SUPV3L1: variants seen among roughly 807,000 people sequenced by gnomAD.
The protein encoded by SUPV3L1 is ATP-dependent RNA helicase SUPV3L1, mitochondrial.
Under a neutral mutation model 70.0 loss-of-function variants are expected in SUPV3L1, and 35 were observed. The observed-to-expected ratio is 0.50, with a 90% CI of 0.38 to 0.66. SUPV3L1 has a LOEUF of 0.66. Among genes scored for constraint, SUPV3L1 ranks in the 30% least tolerant of loss-of-function variants. The probability of loss-of-function intolerance (pLI) is 0.00; values close to 1 mark genes in which losing one functional copy is unlikely to be tolerated. For missense variants in SUPV3L1, 777 were observed against 961.5 expected (o/e 0.81, Z 2.54); for synonymous variants, 364 against 341.9 (o/e 1.06, Z -0.71).
At chr10:69,196,577 G>A (rs1207312221) in intron 7 of SUPV3L1, among the ~76,000 whole-genome samples, 5 of 152,050 alleles carry the variant, frequency 3.3e-5, no homozygotes, top group Non-Finnish European at 5.9e-5. Flanking sequence ...AAAATACATG[G>A]AAGTGGATCT....
chr10:69,202,110 A>G (rs528690327), intron 11 of SUPV3L1, among the ~76,000 whole-genome samples: 1 of 152,302 alleles, frequency 6.6e-6, no homozygotes, highest in East Asian at 1.9e-4. Context: ...AAGTGCTGGG[A>G]TTACAGGCAT....
intron 13 of SUPV3L1, among the ~76,000 whole-genome samples, chr10:69,204,156 A>G (rs35327839): frequency 0.18 from 27,313 of 152,236 alleles, 2,863 homozygotes; most frequent in Non-Finnish European, 0.23. Context: ...TATGATTATA[A>G]TGAAGAAATC....
chr10:69,194,212 G>A (rs145741369), intron 6 of SUPV3L1, among the ~76,000 whole-genome samples: 1 of 152,290 alleles, frequency 6.6e-6, no homozygotes, highest in African/African-American at 2.4e-5. Flanking sequence ...GTATGTAAGA[G>A]TATGGACTTG....
At chr10:69,190,635 T>G (rs917837899) in intron 5 of SUPV3L1, among the ~76,000 whole-genome samples, 66 of 152,248 alleles carry the variant, frequency 4.3e-4, no homozygotes, top group African/African-American at 1.5e-3. Context: ...CACCCCATCC[T>G]CCACCCCTCC....
chr10:69,205,055 G>A (rs1458333384), intron 13 of SUPV3L1, among the ~76,000 whole-genome samples: 3 of 152,196 alleles, frequency 2.0e-5, no homozygotes, highest in Non-Finnish European at 4.4e-5. Flanking sequence ...ACAGGCATGA[G>A]CCATTGTGCC....
chr10:69,205,669 G>C (rs1369870486), intron 13 of SUPV3L1, among the ~76,000 whole-genome samples: 1 of 152,150 alleles, frequency 6.6e-6, no homozygotes, highest in Non-Finnish European at 1.5e-5. Context: ...GAGTAGCTGG[G>C]ATTACAGGTG....
rs185946724 is a variant in SUPV3L1 at position 69,206,780 on chromosome 10, G to A, written c.1777-1013G>A. ...TCCCAGCACTTTGGGAGGCCGAGGC[G>A]GGTGGATCACAAGGTCGGGAGTTTG... On this transcript the variant is annotated intron_variant, in intron 13 of 14. Transcript: ENST00000359655. 3.0e-3 allele frequency among the ~76,000 whole-genome samples: 460 copies of A among 152,288 alleles called. 2 individuals carry two copies. The highest frequency in any genetic ancestry group is 0.023 in the South Asian group (111 of 4,822).
At chr10:69,198,340 T>C in intron 8 of SUPV3L1, 32 bp from the exon 9 acceptor site, 1 of 1,566,038 alleles carries the variant, frequency 6.4e-7, no homozygotes, top group Non-Finnish European at 8.6e-7. Flanking sequence ...GAGTTGGGTG[T>C]GTCATTTTGC....
intron 1 of SUPV3L1, chr10:69,182,410 A>G (rs1842092537): frequency 4.8e-6 from 3 of 629,616 alleles, no homozygotes; most frequent in South Asian, 1.4e-4. Context: ...TAGTTTACCC[A>G]TTAAAGAACA....
At chr10:69,208,478 AAG>A in intron 14 of SUPV3L1, 120 bp from the exon 15 acceptor site, 1 of 1,089,864 alleles carries the variant, frequency 9.2e-7, no homozygotes, top group Non-Finnish European at 1.3e-6. Flanking sequence ...AAAGGCACTG[AAG>A]AGAGTTTGCA....
intron 8 of SUPV3L1, among the ~76,000 whole-genome samples, chr10:69,197,893 T>G (rs1430822718): frequency 6.6e-6 from 1 of 152,190 alleles, no homozygotes; most frequent in Non-Finnish European, 1.5e-5. Context: ...ATTTTAGTTT[T>G]GTGCTCAGTT....
At chr10:69,192,126 A>G (rs1365031532) in intron 6 of SUPV3L1, 1 of 157,436 alleles carries the variant, frequency 6.4e-6, no homozygotes, top group Admixed American at 6.3e-5. Context: ...TTAATTTTAA[A>G]ATACACTTGA....
intron 13 of SUPV3L1, among the ~76,000 whole-genome samples, chr10:69,207,372 G>A (rs561884250): frequency 7.2e-4 from 110 of 152,264 alleles, no homozygotes; most frequent in Non-Finnish European, 1.3e-3. Context: ...GAGTGCAGTG[G>A]CACGATCATG....
intron 5 of SUPV3L1, among the ~76,000 whole-genome samples, chr10:69,190,293 C>G (rs780014197): frequency 9.2e-5 from 14 of 152,160 alleles, no homozygotes; most frequent in Non-Finnish European, 1.5e-4. Flanking sequence ...ACTGAAGCTA[C>G]CTTTTCAAAA....
At position 69,188,022 on chromosome 10, in the gene SUPV3L1, G is replaced by T. The variant is rs563997526; in HGVS notation, c.572+266G>T. ...GATGTTGTCCTTAAGTGTAAGCTAT[G>T]GCCTTCCTGGTGTTTTAGCTGAGCG... On this transcript the variant is annotated intron_variant, in intron 4 of 14. Coordinates refer to ENST00000359655, the MANE Select transcript of SUPV3L1 (RefSeq NM_003171.5). Among the ~76,000 whole-genome samples the T allele has an allele frequency of 6.6e-5, 10 of 152,230 alleles. 1 individual carries two copies. In the South Asian group the frequency reaches 2.1e-3, roughly 32 times the overall value.
At chr10:69,194,788 C>T (rs757409649) in intron 6 of SUPV3L1, among the ~76,000 whole-genome samples, 2 of 151,556 alleles carry the variant, frequency 1.3e-5, no homozygotes, top group African/African-American at 4.8e-5. Context: ...TCACTTTCAA[C>T]CCAGGAGTTC....
In SUPV3L1 at chr10:69,197,098, GC is replaced by G; in HGVS notation, c.1023+16del. ...AGGAAGTGGAGGTATTCGATTAGATGCTTTGTTCTCCAGGTGGCATATCAAA... is the reference window on the plus strand; with the variant it reads ...AGGAAGTGGAGGTATTCGATTAGATGTTTGTTCTCCAGGTGGCATATCAAA... On this transcript the variant is annotated intron_variant, in intron 8 of 14. Transcript: ENST00000359655. The G allele has an allele frequency of 6.2e-7, 1 of 1,611,454 alleles. No homozygotes were observed. The highest frequency in any genetic ancestry group is 8.5e-7 in the Non-Finnish European group (1 of 1,177,570).
chr10:69,204,357 C>T (rs1200668154), intron 13 of SUPV3L1, among the ~76,000 whole-genome samples: 2 of 152,172 alleles, frequency 1.3e-5, no homozygotes, highest in African/African-American at 4.8e-5. Flanking sequence ...ACTGCCATTT[C>T]CTCTGTAGGC....
rs10998628 is a variant in SUPV3L1 at position 69,185,795 on chromosome 10, C to G, written c.272-192C>G. On this transcript the variant is annotated intron_variant, in intron 1 of 14. Transcript: ENST00000359655. ...GATTACAGGCGTGAGCCACCGTGCC[C>G]GGCCAACTCGATCATTTTTCTTAAC... is the stretch of plus-strand genomic sequence containing the variant. Among the ~76,000 whole-genome samples the G allele has an allele frequency of 2.6e-3, 399 of 152,152 alleles. 12 individuals are homozygous for G. In the East Asian group the frequency reaches 0.044, roughly 17 times the overall value.
Sources: gnomAD v4.1 joint callset for allele counts (sites outside exome capture counted in the v4.1 genomes callset) on GRCh38, gnomAD v4.1.1 for gene constraint, MANE v1.5 for transcripts, NCBI Gene and HGNC (gene_info 2026-07-23, HGNC 2026-07-21) for gene names.